PRDM11: variants seen among roughly 807,000 people sequenced by gnomAD.
PRDM11 encodes PR/SET domain 11, also known as PR domain-containing protein 11.
Under a neutral mutation model 97.8 loss-of-function variants are expected in PRDM11, and 20 were observed. That is an observed-to-expected ratio of 0.20 (90% CI 0.14 to 0.30). The LOEUF (loss-of-function observed/expected upper bound fraction) is 0.30, where lower values mean the gene tolerates loss of function less well. PRDM11 is among the 10% of genes least tolerant of loss of function. PRDM11 has a pLI of 1.00. For synonymous variants in PRDM11, 599 were observed against 637.7 expected (o/e 0.94, Z 0.91); for missense variants, 1,139 against 1,555.2 (o/e 0.73, Z 4.50).
At position 45,149,180 on chromosome 11, in the gene PRDM11, C is replaced by T. The variant is rs117370905; in HGVS notation, c.-7+2303C>T. Reference sequence around the variant, plus strand: ...GAGCCTCCTAATGTCTACCTGCAGTCACCCCCTCATGGCAGTCAGAGTGAT... The same window carrying T: ...GAGCCTCCTAATGTCTACCTGCAGTTACCCCCTCATGGCAGTCAGAGTGAT... On this transcript the variant is annotated intron_variant, in intron 1 of 7. Transcript: ENST00000683152. Among the ~76,000 whole-genome samples the T allele has an allele frequency of 2.9e-3, 445 of 152,372 alleles. 2 individuals carry two copies. Among genetic ancestry groups the T allele is most frequent in the Non-Finnish European group, 4.4e-3 (299 of 68,034 alleles).
chr11:45,153,323 A>G (rs1164259480), intron 1 of PRDM11, among the ~76,000 whole-genome samples: 1 of 152,254 alleles, frequency 6.6e-6, no homozygotes, highest in Non-Finnish European at 1.5e-5. Flanking sequence ...CGTGGGCCCC[A>G]GGTTCAGTCC....
At position 45,225,182 on chromosome 11, in the gene PRDM11, C is replaced by A. The variant is rs1005333723; in HGVS notation, c.1369+339C>A. ...ATTTCTAAACCCAGTCTTTCTCTGTCCCCAGTCTCAAGCAGGGTGTCCCAC... is the reference window on the plus strand; with the variant it reads ...ATTTCTAAACCCAGTCTTTCTCTGTACCCAGTCTCAAGCAGGGTGTCCCAC... On this transcript the variant is annotated intron_variant, in intron 7 of 7. Transcript: ENST00000683152. 2.3e-5 allele frequency: 29 copies of A among 1,252,924 alleles called. No individual in the cohort carries two copies. In the South Asian group the frequency reaches 5.6e-4, roughly 24 times the overall value. The allele number at this position is 1,252,924 out of a possible 1,614,324, so 77.6% of individuals were successfully genotyped here.
chr11:45,134,701 G>GAAAA lies in PRDM11; in HGVS notation c.96+38822_96+38825dup, dbSNP rs1191008824. 5.0e-3 allele frequency among the ~76,000 whole-genome samples: 222 copies of GAAAA among 44,260 alleles called. 6 individuals are homozygous for GAAAA. The highest frequency in any genetic ancestry group is 0.01 in the African/African-American group (95 of 9,402). The allele number at this position is 44,260 out of a possible 152,430, so 29.0% of individuals were successfully genotyped here. ...GCAACAGAGTGAGACCCTGTCTCACGAAAAAAAAAAAAAAAAAAAAAAAAA... is the reference window on the plus strand; with the variant it reads ...GCAACAGAGTGAGACCCTGTCTCACGAAAAAAAAAAAAAAAAAAAAAAAAAAAAA... On this transcript the variant is annotated intron_variant, in intron 1 of 6. Coordinates refer to the PRDM11 transcript ENST00000530656.
chr11:45,171,472 A>G (rs954307584), intron 1 of PRDM11, among the ~76,000 whole-genome samples: 1 of 152,120 alleles, frequency 6.6e-6, no homozygotes, highest in African/African-American at 2.4e-5. Context: ...CACTCCCACC[A>G]GCAATGCTTT....
At chr11:45,126,084 C>G (rs1295478913) in intron 1 of PRDM11, among the ~76,000 whole-genome samples, 1 of 152,164 alleles carries the variant, frequency 6.6e-6, no homozygotes, top group African/African-American at 2.4e-5. Context: ...GATCCTTTTA[C>G]CATTATGTAA....
chr11:45,226,197 C>T lies in PRDM11; in HGVS notation c.1572C>T (p.Leu524=). ...KFWFLRYSPT[L]NEMWCHVCRQ... ...GGTTCCTGCGGTACTCCCCAACCCTCAATGAGATGTGGTGCCACGTCTGCC... is the reference window on the plus strand; with the variant it reads ...GGTTCCTGCGGTACTCCCCAACCCTTAATGAGATGTGGTGCCACGTCTGCC... Residue 524 remains leucine, a synonymous_variant, in exon 8 of 8, where the codon CTC becomes CTT. Coordinates refer to ENST00000683152, the MANE Select transcript of PRDM11 (RefSeq NM_001384648.1). The T allele has an allele frequency of 6.5e-7, 1 of 1,533,784 alleles. No individual in the cohort carries two copies. Among genetic ancestry groups the T allele is most frequent in the South Asian group, 1.2e-5 (1 of 83,974 alleles).
chr11:45,181,696 G>T, intron 1 of PRDM11, 65 bp from the exon 2 acceptor site: 1 of 1,410,766 alleles, frequency 7.1e-7, no homozygotes, highest in South Asian at 1.2e-5. Context: ...CCTCTCCGCC[G>T]CTCACTCCTC....
At chr11:45,123,566 TA>T (rs1159344361) in intron 1 of PRDM11, among the ~76,000 whole-genome samples, 6 of 152,202 alleles carry the variant, frequency 3.9e-5, no homozygotes, top group Non-Finnish European at 7.3e-5. Flanking sequence ...TACATATGGC[TA>T]GCCAGTTTTC....
chr11:45,167,750 C>T (rs1852098186), intron 1 of PRDM11, among the ~76,000 whole-genome samples: 1 of 139,026 alleles, frequency 7.2e-6, no homozygotes, highest in African/African-American at 2.8e-5. Context: ...CTGCCTCTCT[C>T]ATTTCACACC....
chr11:45,200,380 C>T (rs574724305), intron 4 of PRDM11, among the ~76,000 whole-genome samples: 57 of 152,308 alleles, frequency 3.7e-4, no homozygotes, highest in Admixed American at 1.2e-3. Context: ...TTAATAATCC[C>T]GATTATGATC....
chr11:45,112,254 A>G (rs1852198494), intron 1 of PRDM11, among the ~76,000 whole-genome samples: 1 of 152,200 alleles, frequency 6.6e-6, no homozygotes, highest in Non-Finnish European at 1.5e-5. Context: ...GCTCCAACCA[A>G]GTTGCTGCAA....
chr11:45,148,808 A>C (rs1248730604), intron 1 of PRDM11, among the ~76,000 whole-genome samples: 1 of 152,156 alleles, frequency 6.6e-6, no homozygotes, highest in African/African-American at 2.4e-5. Flanking sequence ...GCAAGTATAA[A>C]GTAAAGAACA....
In PRDM11 at chr11:45,181,750, C is replaced by T; in HGVS notation, c.-6-11C>T. On this transcript the variant is annotated splice_polypyrimidine_tract_variant and intron_variant, in intron 1 of 7. Transcript: ENST00000683152. ...CCTCTTCCTGTGCTGGTCCCACCTC[C>T]TGCGTCCCAGGACAGAATGACCGAG... is the stretch of plus-strand genomic sequence containing the variant. 1 of 1,608,280 alleles carries T rather than the reference C, an allele frequency of 6.2e-7. No individual in the cohort carries two copies. The highest frequency in any genetic ancestry group is 8.5e-7 in the Non-Finnish European group (1 of 1,176,068).
intron 1 of PRDM11, among the ~76,000 whole-genome samples, chr11:45,116,192 T>A (rs757691643): frequency 1.3e-5 from 2 of 152,156 alleles, no homozygotes; most frequent in African/African-American, 2.4e-5. Context: ...TACAGTCATG[T>A]TTGGAGACAC....
Position 45,101,567 on chromosome 11 carries a change from A to AAGAAGAAGAAG in PRDM11, c.96+5667_96+5668insGAAGAAGAAGA, listed in dbSNP as rs1554963215. Among the ~76,000 whole-genome samples, 86 of 96,862 alleles carry AAGAAGAAGAAG rather than the reference A, an allele frequency of 8.9e-4. 6 individuals are homozygous for AAGAAGAAGAAG. The highest frequency in any genetic ancestry group is 4.0e-3 in the African/African-American group (82 of 20,548). 63.5% of individuals were successfully genotyped at this position (96,862 alleles called of 152,430 possible). A position where few individuals can be genotyped will look rare whatever the true frequency, so the allele number is the denominator to read the frequency against. On this transcript the variant is annotated intron_variant, in intron 1 of 6. Transcript: ENST00000530656. ...CAACACTCTGTCTCAAAAAAAAAAA[A>AAGAAGAAGAAG]AAGAAGAAGAAGAAGAAGAAGAAGA... is the stretch of plus-strand genomic sequence containing the variant.
At chr11:45,124,920 G>A (rs1178393282) in intron 1 of PRDM11, among the ~76,000 whole-genome samples, 1 of 152,182 alleles carries the variant, frequency 6.6e-6, no homozygotes, top group Non-Finnish European at 1.5e-5. Context: ...AATGGTACCA[G>A]CTCCTCCTTG....
intron 1 of PRDM11, among the ~76,000 whole-genome samples, chr11:45,141,614 T>C (rs2135667262): frequency 6.6e-6 from 1 of 152,272 alleles, no homozygotes; most frequent in East Asian, 1.9e-4. Flanking sequence ...AAGATCATGC[T>C]AGAGACCTGA....
chr11:45,127,967 G>A (rs549329237), intron 1 of PRDM11, among the ~76,000 whole-genome samples: 2 of 152,370 alleles, frequency 1.3e-5, no homozygotes, highest in East Asian at 3.9e-4. Flanking sequence ...ACAGAGGCAG[G>A]CAGGCCTCCT....
At chr11:45,206,136 C>T (rs1018549216) in intron 5 of PRDM11, among the ~76,000 whole-genome samples, 2 of 152,198 alleles carry the variant, frequency 1.3e-5, no homozygotes, top group African/African-American at 2.4e-5. Context: ...GTACTGAGCA[C>T]CTAGTTTGAG....
Sources: gnomAD v4.1 joint callset for allele counts (sites outside exome capture counted in the v4.1 genomes callset) on GRCh38, gnomAD v4.1.1 for gene constraint, MANE v1.5 for transcripts, NCBI Gene and HGNC (gene_info 2026-07-23, HGNC 2026-07-21) for gene names.